Variants in SLC34A1 observed in about 807,000 individuals in gnomAD.
SLC34A1 encodes the protein sodium-dependent phosphate transport protein 2A.
A neutral mutation model predicts 51.4 loss-of-function variants in SLC34A1; 57 were observed. That is an observed-to-expected ratio of 1.11 (90% CI 0.90 to 1.38). The LOEUF (loss-of-function observed/expected upper bound fraction) is 1.38. Ranked by LOEUF, SLC34A1 falls within the 40% of genes most tolerant of loss-of-function variation. The pLI is 0.00. For missense variants in SLC34A1, 796 were observed against 835.6 expected, an observed-to-expected ratio of 0.95 and a Z score of 0.58; for synonymous variants, 368 against 358.0, an observed-to-expected ratio of 1.03 and a Z score of -0.32.
chr5:177,387,659 G>A (rs549297055), intron 5 of SLC34A1, 103 bp from the exon 6 acceptor site: 180 of 949,524 alleles, frequency 1.9e-4, no homozygotes, highest in Non-Finnish European at 2.8e-4. Context: ...TGGCAGGAGC[G>A]GCCACTGGGG....
intron 8 of SLC34A1, among the ~76,000 whole-genome samples, chr5:177,392,142 C>A (rs1581643638): frequency 6.6e-6 from 1 of 152,192 alleles, no homozygotes; most frequent in Non-Finnish European, 1.5e-5. Context: ...CTAAAATAAA[C>A]CCGGATGTTA....
In SLC34A1 at chr5:177,397,886, G is replaced by A. The variant is rs200137299; in HGVS notation, c.1520G>A (p.Arg507His). Residue 507 changes from arginine to histidine, a missense_variant, in exon 13 of 13, where the codon CGC becomes CAC. Transcript: ENST00000324417. Reference sequence around the variant, plus strand: ...CGCATGGCCAAGGCGCTGGGGAAACGCACGGCCAAGTACCGCTGGTTTGCC... The same window carrying A: ...CGCATGGCCAAGGCGCTGGGGAAACACACGGCCAAGTACCGCTGGTTTGCC... The part of the protein sequence containing the change: ...PIRMAKALGK[R>H]TAKYRWFAVL... 1.9e-5 allele frequency: 31 copies of A among 1,613,820 alleles called. No homozygotes were observed. The highest frequency in any genetic ancestry group is 8.0e-5 in the African/African-American group (6 of 75,036).
intron 8 of SLC34A1, among the ~76,000 whole-genome samples, chr5:177,391,524 C>A (rs150942144): frequency 6.6e-6 from 1 of 152,208 alleles, no homozygotes; most frequent in East Asian, 1.9e-4. Context: ...GTTGACCAGG[C>A]ACCTACTCAT....
Position 177,386,306 on chromosome 5 carries a change from C to G in SLC34A1, c.345C>G (p.Val115=), listed in dbSNP as rs748909438. ...PLMLTFLYLF[V]CSLDMLSSAF... is the part of the protein sequence containing the mutation. ...TGCTCACCTTCCTCTACCTCTTCGTCTGCTCCCTGGACATGCTCAGCTCGG... is the reference window on the plus strand; with the variant it reads ...TGCTCACCTTCCTCTACCTCTTCGTGTGCTCCCTGGACATGCTCAGCTCGG... The change falls in exon 4 of 13, where the codon GTC becomes GTG. Residue 115 remains valine, a synonymous_variant. Coordinates refer to ENST00000324417, the MANE Select transcript of SLC34A1 (RefSeq NM_003052.5). The surrounding 1 kb of genome is among the most constrained non-coding windows in gnomAD (Gnocchi z 4.8). The G allele has an allele frequency of 6.2e-7, 1 of 1,614,264 alleles. No individual in the cohort carries two copies. The highest frequency in any genetic ancestry group is 8.5e-7 in the Non-Finnish European group (1 of 1,180,042).
rs759473196 is a variant in SLC34A1, at chr5:177,386,254, G to A, written c.293G>A (p.Gly98Asp). ...SRLVPKLRQA[G>D]AMLLKVPLML... ...CTGGTCCCCAAGCTGCGCCAGGCTG[G>A]CGCCATGCTGCTCAAGGTGCCACTG... Residue 98 changes from glycine (G) to aspartate (D), a missense_variant, in exon 4 of 13, where the codon GGC becomes GAC. Physicochemically the swap from Gly to Asp is moderately conservative, Grantham distance 94. Coordinates refer to ENST00000324417, the MANE Select transcript of SLC34A1 (RefSeq NM_003052.5). This position sits in a 1 kb window ranked among gnomAD's most constrained non-coding sequence, Gnocchi z 4.8. 3.7e-6 allele frequency: 6 copies of A among 1,613,748 alleles called. No individual in the cohort carries two copies. The highest frequency in any genetic ancestry group is 1.3e-5 in the African/African-American group (1 of 74,944).
At chr5:177,389,532 CT>C (rs1201506861) in intron 8 of SLC34A1, 2 of 1,445,560 alleles carry the variant, frequency 1.4e-6, no homozygotes, top group Non-Finnish European at 1.9e-6. Context: ...CTGCGGGCAG[CT>C]TTTACGCTGA....
Position 177,388,220 on chromosome 5 carries a change from TG to T in SLC34A1, c.840+36del, listed in dbSNP as rs1338660910. On this transcript the variant is annotated intron_variant, in intron 7 of 12. Coordinates refer to ENST00000324417, the MANE Select transcript of SLC34A1 (RefSeq NM_003052.5). This position sits in a 1 kb window ranked among gnomAD's most constrained non-coding sequence, Gnocchi z 4.3. Reference sequence around the variant, plus strand: ...AGCAGGGCCTGGCATGGGGTGAGGGTGGGGGTAACAAGGGACCCAGCCTCCT... The same window carrying T: ...AGCAGGGCCTGGCATGGGGTGAGGGTGGGGTAACAAGGGACCCAGCCTCCT... 2 of 1,613,346 alleles carry T rather than the reference TG, an allele frequency of 1.2e-6. No individual in the cohort carries two copies. The highest frequency in any genetic ancestry group is 1.3e-5 in the African/African-American group (1 of 74,828).
At chr5:177,390,206 G>C (rs947519565) in intron 8 of SLC34A1, 4 of 996,970 alleles carry the variant, frequency 4.0e-6, no homozygotes, top group Non-Finnish European at 4.8e-6. Context: ...TATGCACCAG[G>C]GAGAGGAGGC....
chr5:177,393,902 A>G, intron 9 of SLC34A1, 126 bp from the exon 10 acceptor site: 1 of 1,500,782 alleles, frequency 6.7e-7, no homozygotes, highest in Non-Finnish European at 9.3e-7. Context: ...AGCCTGGGTC[A>G]AGCTCCGGTG....
chr5:177,386,513 T>G lies in SLC34A1; in HGVS notation c.479T>G (p.Val160Gly), dbSNP rs754244361. The change falls in exon 5 of 13, where the codon GTG (valine) becomes GGG (glycine). Residue 160 changes from valine to glycine, a missense_variant. Coordinates refer to ENST00000324417, the MANE Select transcript of SLC34A1 (RefSeq NM_003052.5). The surrounding 1 kb of genome is among the most constrained non-coding windows in gnomAD (Gnocchi z 4.8). ...LVVGILVTVL[V>G]QSSSTSTSII... is the part of the protein sequence containing the mutation. Reference sequence around the variant, plus strand: ...GTGGGGATCCTGGTGACCGTGCTGGTGCAGAGCTCCAGCACCTCCACATCC... The same window carrying G: ...GTGGGGATCCTGGTGACCGTGCTGGGGCAGAGCTCCAGCACCTCCACATCC... 2 of 1,614,110 alleles carry G rather than the reference T, an allele frequency of 1.2e-6. No individual in the cohort carries two copies. Among genetic ancestry groups the G allele is most frequent in the South Asian group, 2.2e-5 (2 of 91,080 alleles).
In SLC34A1 at chr5:177,396,917, T is replaced by TG. The variant is rs1251860622; in HGVS notation, c.1292-28dup. On this transcript the variant is annotated intron_variant, in intron 11 of 12. Transcript: ENST00000324417. The surrounding 1 kb of genome is among the most constrained non-coding windows in gnomAD (Gnocchi z 4.0). Reference sequence around the variant, plus strand: ...GCAGGGAAAGGGCCGAAGGAGACGCTGGGGGTCCCACTTCCTCTCCCTCTG... The same window carrying TG: ...GCAGGGAAAGGGCCGAAGGAGACGCTGGGGGGTCCCACTTCCTCTCCCTCTG... 1 of 1,613,988 alleles carries TG rather than the reference T, an allele frequency of 6.2e-7. No individual in the cohort carries two copies. The highest frequency in any genetic ancestry group is 2.2e-5 in the East Asian group (1 of 44,894).
In SLC34A1 at chr5:177,391,218, C is replaced by T. The variant is rs1762791492; in HGVS notation, c.937-2476C>T. On this transcript the variant is annotated intron_variant, in intron 8 of 12. Coordinates refer to ENST00000324417, the MANE Select transcript of SLC34A1 (RefSeq NM_003052.5). The stretch of plus-strand genomic sequence containing the variant: ...CTTCTCCCTCTGCCCCACAGGGAAG[C>T]CCCAGGGCCTGCTCCCTCCCGGCAG... Among the ~76,000 whole-genome samples, 3 of 152,206 alleles carry T rather than the reference C, an allele frequency of 2.0e-5. No homozygotes were observed. In the South Asian group the frequency reaches 6.2e-4, roughly 31 times the overall value.
chr5:177,392,282 C>T (rs1762832003), intron 8 of SLC34A1, among the ~76,000 whole-genome samples: 1 of 152,030 alleles, frequency 6.6e-6, no homozygotes, highest in Non-Finnish European at 1.5e-5. Context: ...GCCAACATGG[C>T]GAAACCCCAT....
chr5:177,398,138 A>G lies in SLC34A1; in HGVS notation c.1772A>G (p.His591Arg), dbSNP rs746998306. The change falls in exon 13 of 13, where the codon CAC becomes CGC. Residue 591 changes from histidine (H) to arginine (R), a missense_variant. Coordinates refer to ENST00000324417, the MANE Select transcript of SLC34A1 (RefSeq NM_003052.5). The surrounding 1 kb of genome is among the most constrained non-coding windows in gnomAD (Gnocchi z 4.7). ...ATGCACTCCCTGAAGCCCCTGGACC[A>G]CCTCATCACCCGCGCCACCCTATGC... Reference protein sequence around the residue: ...RWMHSLKPLDHLITRATLCCA... With the variant: ...RWMHSLKPLDRLITRATLCCA... 6 of 1,611,146 alleles carry G rather than the reference A, an allele frequency of 3.7e-6. No individual in the cohort carries two copies. Among genetic ancestry groups the G allele is most frequent in the Non-Finnish European group, 5.1e-6 (6 of 1,178,012 alleles).
At chr5:177,393,180 G>A (rs1275314462) in intron 8 of SLC34A1, among the ~76,000 whole-genome samples, 1 of 152,188 alleles carries the variant, frequency 6.6e-6, no homozygotes, top group African/African-American at 2.4e-5. Context: ...CTGACAGTAG[G>A]TGGGCAGAAG....
In SLC34A1 at chr5:177,398,000, G is replaced by A; in HGVS notation, c.1634G>A (p.Gly545Asp). The change falls in exon 13 of 13, where the codon GGC becomes GAC. Residue 545 changes from glycine (G) to aspartate (D), a missense_variant. Gly to Asp is a moderately conservative substitution (Grantham distance 94). Coordinates refer to ENST00000324417, the MANE Select transcript of SLC34A1 (RefSeq NM_003052.5). ...GGCTGGCAGGTCATGGTAGGTGTGGGCACGCCCTTCGGGGCCCTGCTGGCC... is the reference window on the plus strand; with the variant it reads ...GGCTGGCAGGTCATGGTAGGTGTGGACACGCCCTTCGGGGCCCTGCTGGCC... Reference protein sequence around the residue: ...MAGWQVMVGVGTPFGALLAFV... With the variant: ...MAGWQVMVGVDTPFGALLAFV... 1 of 1,614,082 alleles carries A rather than the reference G, an allele frequency of 6.2e-7. No homozygotes were observed.
chr5:177,385,734 T>C lies in SLC34A1; in HGVS notation c.-8T>C. 1 of 1,607,016 alleles carries C rather than the reference T, an allele frequency of 6.2e-7. No homozygotes were observed. The highest frequency in any genetic ancestry group is 8.5e-7 in the Non-Finnish European group (1 of 1,175,270). On this transcript the variant is annotated 5_prime_UTR_variant, in exon 2 of 13. Transcript: ENST00000324417. ...ACTGACCTGCAGACCTCATAGTGGG[T>C]GCCCAGGATGTTGTCCTACGGAGAG...
At chr5:177,389,732 TGCCGGCCACCTACTGCAGCTTCCG>T (rs1762735935) in intron 8 of SLC34A1, 1 of 1,537,128 alleles carries the variant, frequency 6.5e-7, no homozygotes, top group Non-Finnish European at 8.7e-7. Flanking sequence ...CTGAGCTCCC[TGCCGGCCACCTACTGCAGCTTCCG>T]GCAGATCTCA....
At chr5:177,390,024 A>T in intron 8 of SLC34A1, 2 of 1,299,084 alleles carry the variant, frequency 1.5e-6, no homozygotes, top group Non-Finnish European at 2.0e-6. Context: ...AAGGAGTGTG[A>T]CTCACACAGC....
Sources: gnomAD v4.1 joint callset for allele counts (sites outside exome capture counted in the v4.1 genomes callset) on GRCh38, gnomAD v4.1.1 for gene constraint, Gnocchi (gnomAD v3.1) non-coding constraint, MANE v1.5 for transcripts, NCBI Gene and HGNC (gene_info 2026-07-23, HGNC 2026-07-21) for gene names.